Variants in PLEKHG1 observed in about 807,000 individuals in gnomAD.
The protein encoded by PLEKHG1 is pleckstrin homology and RhoGEF domain containing G1, also known as pleckstrin homology domain-containing family G member 1.
Under a neutral mutation model 100.8 loss-of-function variants are expected in PLEKHG1, and 44 were observed. The ratio of observed to expected loss-of-function variants is 0.44; its 90% CI spans 0.34 to 0.56. PLEKHG1 has a LOEUF of 0.56. PLEKHG1 is among the 20% of genes least tolerant of loss of function. The pLI is 0.01. For synonymous variants in PLEKHG1, 640 were observed against 662.5 expected, an observed-to-expected ratio of 0.97 and a Z score of 0.52; for missense variants, 1,545 against 1,720.9, an observed-to-expected ratio of 0.90 and a Z score of 1.81.
In PLEKHG1 at chr6:150,768,618, C is replaced by T. The variant is rs747343572; in HGVS notation, c.412-20C>T. On this transcript the variant is annotated intron_variant, in intron 2 of 15. Coordinates refer to ENST00000358517, the Ensembl canonical transcript of PLEKHG1. ...GAAAGGACAGGAGTGTTTAAGGCATCCTTCTCATTGATCTCACAGGATTAC... is the reference window on the plus strand; with the variant it reads ...GAAAGGACAGGAGTGTTTAAGGCATTCTTCTCATTGATCTCACAGGATTAC... 2.2e-6 allele frequency: 3 copies of T among 1,379,434 alleles called. No homozygotes were observed. The South Asian group carries it at 3.5e-5, about 16-fold the overall frequency. 85.4% of individuals were successfully genotyped at this position (1,379,434 alleles called of 1,614,324 possible).
chr6:150,772,273 A>G (rs1197029662), intron 3 of PLEKHG1, among the ~76,000 whole-genome samples: 4 of 152,216 alleles, frequency 2.6e-5, no homozygotes, highest in African/African-American at 9.7e-5. Flanking sequence ...TTAGTACACA[A>G]CTGTGCTGGA....
chr6:150,792,235 T>A (rs1786024938), intron 4 of PLEKHG1, among the ~76,000 whole-genome samples: 1 of 151,942 alleles, frequency 6.6e-6, no homozygotes, highest in African/African-American at 2.4e-5. Context: ...TGCATGCCTG[T>A]AGTCCCAGCT....
chr6:150,717,032 T>G (rs1781471591), upstream of PLEKHG1, among the ~76,000 whole-genome samples: 1 of 151,514 alleles, frequency 6.6e-6, no homozygotes, highest in African/African-American at 2.4e-5. Flanking sequence ...TTGTATTCAT[T>G]TATTGATTTA....
Position 150,654,542 on chromosome 6 carries a change from T to C in PLEKHG1, c.-99+3756T>C, listed in dbSNP as rs544712204. The stretch of plus-strand genomic sequence containing the variant: ...GCCCATCCCAGGTCAGTTGCTACTT[T>C]TGTGGTACCTTGGTATTGTATAATC... On this transcript the variant is annotated intron_variant, in intron 3 of 3. Transcript: ENST00000367326. 2.0e-5 allele frequency among the ~76,000 whole-genome samples: 3 copies of C among 152,346 alleles called. No homozygotes were observed. The South Asian group carries it at 6.2e-4, about 32-fold the overall frequency.
At chr6:150,826,182 G>A (rs1375505915) in intron 14 of PLEKHG1, among the ~76,000 whole-genome samples, 1 of 151,958 alleles carries the variant, frequency 6.6e-6, no homozygotes, top group Non-Finnish European at 1.5e-5. Flanking sequence ...AAAAGGCTGG[G>A]CGCGGTGGCT....
In PLEKHG1 at chr6:150,739,301, C is replaced by T. The variant is rs115940365; in HGVS notation, c.411+5209C>T. On this transcript the variant is annotated intron_variant, in intron 2 of 15. Transcript: ENST00000358517. The stretch of plus-strand genomic sequence containing the variant: ...TGTTAATTACAACGTGATTTTATCT[C>T]TTTCCATTATATGCCAGAGAGCTAA... 6.7e-3 allele frequency among the ~76,000 whole-genome samples: 1,021 copies of T among 152,204 alleles called. 16 individuals are homozygous for T. The highest frequency in any genetic ancestry group is 0.023 in the African/African-American group (955 of 41,536).
rs896652730 is a variant in PLEKHG1 at position 150,821,964 on chromosome 6, C to T, written c.1447+731C>T. On this transcript the variant is annotated intron_variant, in intron 13 of 15. Coordinates refer to ENST00000358517, the Ensembl canonical transcript of PLEKHG1. ...TCAAGTGATTCTCCTGCCTCAGCCTCCCGAGTAGCTGGGATTACAAGCATG... is the reference window on the plus strand; with the variant it reads ...TCAAGTGATTCTCCTGCCTCAGCCTTCCGAGTAGCTGGGATTACAAGCATG... Among the ~76,000 whole-genome samples, 10 of 150,604 alleles carry T rather than the reference C, an allele frequency of 6.6e-5. No individual in the cohort carries two copies. In the East Asian group the frequency reaches 2.0e-3, roughly 30 times the overall value.
At position 150,777,185 on chromosome 6, in the gene PLEKHG1, G is replaced by A. The variant is rs540837772; in HGVS notation, c.512+8447G>A. On this transcript the variant is annotated intron_variant, in intron 3 of 15. Transcript: ENST00000358517. ...TGATGCAATCCTGGCGTACATGTGC[G>A]GTTGCACATCAGCCACACTGATGCA... Among the ~76,000 whole-genome samples, 950 of 150,402 alleles carry A rather than the reference G, an allele frequency of 6.3e-3. 13 individuals carry two copies. Among genetic ancestry groups the A allele is most frequent in the African/African-American group, 0.022 (889 of 40,832 alleles).
At chr6:150,655,342 T>C (rs545164820) in intron 3 of PLEKHG1, among the ~76,000 whole-genome samples, 8 of 152,308 alleles carry the variant, frequency 5.3e-5, no homozygotes, top group African/African-American at 1.9e-4. Flanking sequence ...CGTATATTTA[T>C]TGCGGCACTG....
intron 2 of PLEKHG1, among the ~76,000 whole-genome samples, chr6:150,734,864 A>G (rs1277654077): frequency 3.9e-5 from 6 of 152,242 alleles, no homozygotes; most frequent in Middle Eastern, 3.4e-3. Flanking sequence ...TGGAAATTCA[A>G]TTATTCGATT....
At chr6:150,804,889 A>G (rs1786965234) in intron 7 of PLEKHG1, 148 bp downstream of exon 8, 1 of 637,436 alleles carries the variant, frequency 1.6e-6, no homozygotes, top group Non-Finnish European at 2.7e-6. Flanking sequence ...GACATCAGTA[A>G]TACCCATCAT....
At chr6:150,739,306 C>T (rs1320821488) in intron 2 of PLEKHG1, among the ~76,000 whole-genome samples, 1 of 151,956 alleles carries the variant, frequency 6.6e-6, no homozygotes, top group Non-Finnish European at 1.5e-5. Flanking sequence ...TATCTCTTTC[C>T]ATTATATGCC....
At chr6:150,686,544 G>GA (rs1276644065) in intron 3 of PLEKHG1, among the ~76,000 whole-genome samples, 5 of 152,210 alleles carry the variant, frequency 3.3e-5, no homozygotes, top group Admixed American at 3.3e-4. Context: ...GAAGCATCGA[G>GA]AATGATCACT....
chr6:150,724,752 G>A (rs899760688), intron 1 of PLEKHG1, among the ~76,000 whole-genome samples: 3 of 151,758 alleles, frequency 2.0e-5, no homozygotes, highest in Non-Finnish European at 4.4e-5. Context: ...TAGAGACGGG[G>A]GTTTCATCAT....
chr6:150,619,090 GA>G (rs933776615), intron 1 of PLEKHG1, among the ~76,000 whole-genome samples: 1 of 151,930 alleles, frequency 6.6e-6, no homozygotes, highest in Non-Finnish European at 1.5e-5. Context: ...TCTAAAAAAA[GA>G]AAAAGAAAAA....
At chr6:150,750,729 C>G (rs1267947017) in intron 2 of PLEKHG1, among the ~76,000 whole-genome samples, 3 of 127,828 alleles carry the variant, frequency 2.3e-5, no homozygotes, top group Non-Finnish European at 4.6e-5. Context: ...TGCAGTGAGC[C>G]GAGATCCCGC....
At chr6:150,814,960 T>C (rs1787777979) in intron 10 of PLEKHG1, among the ~76,000 whole-genome samples, 1 of 152,156 alleles carries the variant, frequency 6.6e-6, no homozygotes, top group Non-Finnish European at 1.5e-5. Context: ...CCTCAAGTGA[T>C]CCACCTGCCT....
chr6:150,655,670 T>C (rs572089056), intron 3 of PLEKHG1, among the ~76,000 whole-genome samples: 4 of 130,150 alleles, frequency 3.1e-5, no homozygotes, highest in Admixed American at 1.9e-4. Context: ...ATTGTGCCAC[T>C]GCACTCCAGC....
At chr6:150,650,467 T>C (rs1778685258) in intron 2 of PLEKHG1, among the ~76,000 whole-genome samples, 1 of 152,260 alleles carries the variant, frequency 6.6e-6, no homozygotes, top group African/African-American at 2.4e-5. Context: ...TCAAGGATGA[T>C]AGGACTTCAG....
Sources: gnomAD v4.1 joint callset for allele counts (sites outside exome capture counted in the v4.1 genomes callset) on GRCh38, gnomAD v4.1.1 for gene constraint, MANE v1.5 for transcripts, NCBI Gene and HGNC (gene_info 2026-07-23, HGNC 2026-07-21) for gene names.